Variants in HERC2 observed in about 807,000 individuals in gnomAD.
HERC2 encodes the protein HECT and RLD domain containing E3 ubiquitin protein ligase 2.
In HERC2, 102 loss-of-function variants were observed where a neutral mutation model predicts 537.7. That is an observed-to-expected ratio of 0.19 (90% CI 0.16 to 0.22). HERC2 has a LOEUF of 0.22. Among genes scored for constraint, HERC2 ranks in the 10% least tolerant of loss-of-function variants. HERC2 has a pLI of 1.00. For missense variants in HERC2, 4,236 were observed against 6,198.2 expected (o/e 0.68, Z 10.63); for synonymous variants, 2,224 against 2,466.2 (o/e 0.90, Z 2.91).
rs1311768632 is a variant in HERC2, at chr15:28,174,485, C to T, written c.9967G>A (p.Ala3323Thr). The change falls in exon 65 of 93, where the codon GCG becomes ACG. Residue 3323 changes from alanine to threonine, a missense_variant. Physicochemically the swap from Ala to Thr is moderately conservative, Grantham distance 58. Around this residue, in one of 27 missense-constraint regions of HERC2, gnomAD observed 93 missense variants for 265.1 expected, o/e 0.35. Coordinates refer to ENST00000261609, the MANE Select transcript of HERC2 (RefSeq NM_004667.6). ...GTGGCCACATCCACAGTTGTCCACG[C>T]CACACTGTGGGACGACCCACAAGCC... ...RVACGSSHSV[A>T]WTTVDVATPS... 1 of 1,613,982 alleles carries T rather than the reference C, an allele frequency of 6.2e-7. No homozygotes were observed. Among genetic ancestry groups the T allele is most frequent in the Non-Finnish European group, 8.5e-7 (1 of 1,179,910 alleles).
chr15:28,150,190 G>T (rs185344891), intron 70 of HERC2, among the ~76,000 whole-genome samples: 9 of 151,242 alleles, frequency 6.0e-5, no homozygotes, highest in African/African-American at 2.2e-4. Context: ...AAACGCACGC[G>T]GCTGCTAACC....
intron 69 of HERC2, 60 bp downstream of exon 69, chr15:28,163,034 G>C: frequency 1.4e-6 from 2 of 1,406,512 alleles, no homozygotes; most frequent in Non-Finnish European, 2.0e-6. Flanking sequence ...CCTTTGGAGA[G>C]GAGGGTGGCC....
chr15:28,249,805 G>T (rs529794639), intron 20 of HERC2, among the ~76,000 whole-genome samples: 1 of 148,370 alleles, frequency 6.7e-6, no homozygotes. Flanking sequence ...ACGCCACCAC[G>T]CCAAGCTAAC....
rs1456522074 is a variant in HERC2 at position 28,260,780 on chromosome 15, G to C, written c.2313C>G (p.Ala771=). Residue 771 remains alanine (A), a synonymous_variant, in exon 16 of 93, where the codon GCC becomes GCG. Coordinates refer to ENST00000261609, the MANE Select transcript of HERC2 (RefSeq NM_004667.6). ...AATCAAGCTCTATATTCAGTACCTG[G>C]GCAGGCCCACAGGCAATTCCCACTA... The part of the protein sequence containing the change: ...KHIVGIACGP[A]QSFAWSSCSE... The C allele has an allele frequency of 6.2e-7, 1 of 1,613,580 alleles. No individual in the cohort carries two copies. The highest frequency in any genetic ancestry group is 1.7e-5 in the Admixed American group (1 of 59,976).
At chr15:28,175,684 A>G (rs374764227) in intron 63 of HERC2, 28 bp from the exon 64 acceptor site, 1,441 of 1,613,298 alleles carry the variant, frequency 8.9e-4, no homozygotes, top group Non-Finnish European at 1.1e-3. Flanking sequence ...GTGGAGAGTT[A>G]CAATACGGTT....
intron 70 of HERC2, 24 bp downstream of exon 70, chr15:28,152,653 C>A: frequency 1.3e-6 from 2 of 1,517,820 alleles, no homozygotes; most frequent in Non-Finnish European, 1.8e-6. Flanking sequence ...GGCTGCAGCT[C>A]CCCGCTGGGG....
chr15:28,217,196 G>A (rs1246966447), intron 38 of HERC2, among the ~76,000 whole-genome samples: 30 of 151,852 alleles, frequency 2.0e-4, no homozygotes, highest in African/African-American at 6.8e-4. Context: ...TGTCTCATTC[G>A]CACACCCAGT....
chr15:28,272,301 T>C lies in HERC2; in HGVS notation c.997A>G (p.Thr333Ala). ...AGCAAGGGCAAAAGTGGGGCGCTGG[T>C]GCCCTGGGCGGAACGCTCATTGTCA... Reference protein sequence around the residue: ...ETDNERSAQGTSAPLLPLLQR... With the variant: ...ETDNERSAQGASAPLLPLLQR... Residue 333 changes from threonine (T) to alanine (A), a missense_variant, in exon 9 of 93, where the codon ACC (threonine) becomes GCC (alanine). Transcript: ENST00000261609. 6.2e-7 allele frequency: 1 copy of C among 1,612,498 alleles called. No individual in the cohort carries two copies. The highest frequency in any genetic ancestry group is 8.5e-7 in the Non-Finnish European group (1 of 1,179,350).
chr15:28,289,596 G>A (rs559270639), intron 4 of HERC2, among the ~76,000 whole-genome samples: 1 of 152,282 alleles, frequency 6.6e-6, no homozygotes, highest in South Asian at 2.1e-4. Context: ...CCAGAACGCT[G>A]AGACTGGCTT....
intron 55 of HERC2, 199 bp downstream of exon 55, chr15:28,190,766 C>G (rs1299313756): frequency 2.1e-5 from 12 of 579,178 alleles, no homozygotes; most frequent in Non-Finnish European, 3.7e-5. Context: ...AAATTTGTTT[C>G]CTTTTCAAGC....
At chr15:28,245,844 A>C (rs1389921594) in intron 23 of HERC2, 37 bp downstream of exon 23, 1 of 1,560,834 alleles carries the variant, frequency 6.4e-7, no homozygotes, top group Non-Finnish European at 8.8e-7. Context: ...AAGGACAATA[A>C]AACTTTCCTC....
intron 50 of HERC2, 127 bp downstream of exon 50, chr15:28,198,251 A>G (rs1386840872): frequency 1.8e-6 from 2 of 1,111,900 alleles, no homozygotes; most frequent in Non-Finnish European, 2.6e-6. Flanking sequence ...ACTGACAAGC[A>G]AAGGAACACT....
At chr15:28,282,788 T>C (rs2076052566) in intron 4 of HERC2, among the ~76,000 whole-genome samples, 1 of 151,734 alleles carries the variant, frequency 6.6e-6, no homozygotes, top group Admixed American at 6.6e-5. Context: ...AAAACTGAGC[T>C]GGGCATGGTG....
intron 14 of HERC2, 123 bp from the exon 15 acceptor site, chr15:28,263,292 A>G (rs888106705): frequency 4.8e-6 from 5 of 1,048,354 alleles, no homozygotes; most frequent in Non-Finnish European, 6.8e-6. Context: ...CATAGTTAAC[A>G]CTACAAGGGT....
At position 28,320,778 on chromosome 15, in the gene HERC2, C is replaced by T. The variant is rs567052346; in HGVS notation, c.72+584G>A. Among the ~76,000 whole-genome samples, 55 of 151,826 alleles carry T rather than the reference C, an allele frequency of 3.6e-4. No individual in the cohort carries two copies. The South Asian group carries it at 0.011, about 30-fold the overall frequency. On this transcript the variant is annotated intron_variant, in intron 2 of 92. Transcript: ENST00000261609. The stretch of plus-strand genomic sequence containing the variant: ...ATTTATTTAATAATGTCCTGACAAG[C>T]TTGCAGTTATCTCATTAAATCAAAA...
chr15:28,246,916 A>C lies in HERC2; in HGVS notation c.3236-19T>G. ...TCTGGACCTTGAAGAAGGATTGAGA[A>C]ATTTTCATTTTCACTACTAAAATTT... On this transcript the variant is annotated intron_variant, in intron 21 of 92. Coordinates refer to ENST00000261609, the MANE Select transcript of HERC2 (RefSeq NM_004667.6). 1 of 1,591,588 alleles carries C rather than the reference A, an allele frequency of 6.3e-7. No individual in the cohort carries two copies. The highest frequency in any genetic ancestry group is 1.7e-4 in the Middle Eastern group (1 of 6,014).
chr15:28,125,816 T>C (rs954664404), intron 83 of HERC2, among the ~76,000 whole-genome samples: 3 of 152,100 alleles, frequency 2.0e-5, no homozygotes, highest in Non-Finnish European at 2.9e-5. Context: ...TGGGATTACA[T>C]GCATGAACCA....
chr15:28,240,226 G>A (rs1167876126), intron 23 of HERC2, among the ~76,000 whole-genome samples: 1 of 152,196 alleles, frequency 6.6e-6, no homozygotes. Context: ...AGACCATCCT[G>A]GCTAACACGG....
intron 55 of HERC2, 128 bp downstream of exon 55, chr15:28,190,837 A>G: frequency 1.5e-6 from 1 of 680,546 alleles, no homozygotes; most frequent in Non-Finnish European, 2.6e-6. Context: ...AAGTGTCAAA[A>G]TTTAAAACAG....
Sources: allele counts gnomAD v4.1 joint callset (sites outside exome capture counted in the v4.1 genomes callset), GRCh38; gene constraint gnomAD v4.1.1; regional missense constraint gnomAD v4.1.1; transcripts MANE v1.5; gene names NCBI Gene and HGNC (gene_info 2026-07-23, HGNC 2026-07-21).